The following DLG2 variants were observed in gnomAD, a reference collection of about 807,000 sequenced individuals.
DLG2 encodes discs large MAGUK scaffold protein 2.
A neutral mutation model predicts 132.5 loss-of-function variants in DLG2; 45 were observed. The ratio of observed to expected loss-of-function variants is 0.34; its 90% CI spans 0.27 to 0.44. The LOEUF (loss-of-function observed/expected upper bound fraction) is 0.44, where lower values mean the gene tolerates loss of function less well. Among genes scored for constraint, DLG2 ranks in the 20% least tolerant of loss-of-function variants. DLG2 has a pLI of 1.00. For synonymous variants in DLG2, 424 were observed against 419.6 expected (o/e 1.01, Z -0.13); for missense variants, 1,045 against 1,196.9 (o/e 0.87, Z 1.87).
At chr11:85,176,061 G>T (rs1249770892) in intron 4 of DLG2, among the ~76,000 whole-genome samples, 1 of 152,180 alleles carries the variant, frequency 6.6e-6, no homozygotes, top group African/African-American at 2.4e-5. Context: ...TAGATTCAAT[G>T]CTATTCCCAT....
In DLG2 at chr11:84,637,315, C is replaced by T. The variant is rs117797347; in HGVS notation, c.358-102584G>A. Among the ~76,000 whole-genome samples, 71 of 152,240 alleles carry T rather than the reference C, an allele frequency of 4.7e-4. 3 individuals carry two copies. The East Asian group carries it at 0.013, about 28-fold the overall frequency. ...GCTGTGATCACTCTTTTCTGTGAAC[C>T]CACCACACGATGTGTATCTCTATCA... On this transcript the variant is annotated intron_variant, in intron 6 of 27. Transcript: ENST00000376104.
At chr11:84,017,470 T>A (rs1473737152) in intron 11 of DLG2, among the ~76,000 whole-genome samples, 8 of 152,048 alleles carry the variant, frequency 5.3e-5, no homozygotes, top group Non-Finnish European at 1.2e-4. Flanking sequence ...ATCAAATATT[T>A]GAAAAATATC....
intron 17 of DLG2, among the ~76,000 whole-genome samples, chr11:83,827,617 C>A (rs1472304456): frequency 6.6e-6 from 1 of 152,120 alleles, no homozygotes; most frequent in African/African-American, 2.4e-5. Flanking sequence ...TTGGAGTTAG[C>A]AAGTCAGCTG....
chr11:84,474,096 ATTTG>A (rs1251358760), intron 7 of DLG2, among the ~76,000 whole-genome samples: 1 of 151,794 alleles, frequency 6.6e-6, no homozygotes, highest in African/African-American at 2.4e-5. Context: ...TTTCATACTT[ATTTG>A]TTTCTCTCAA....
intron 3 of DLG2, among the ~76,000 whole-genome samples, chr11:85,344,935 C>A (rs2082728392): frequency 1.3e-5 from 2 of 149,744 alleles, no homozygotes; most frequent in Non-Finnish European, 3.0e-5. Context: ...CAAGACAGAG[C>A]AATAAAGTTC....
intron 3 of DLG2, among the ~76,000 whole-genome samples, chr11:85,568,612 C>T (rs951923762): frequency 9.9e-5 from 15 of 152,070 alleles, no homozygotes; most frequent in African/African-American, 3.6e-4. Context: ...ATCACTCTAT[C>T]CAAATATTTC....
intron 3 of DLG2, among the ~76,000 whole-genome samples, chr11:85,394,624 A>C (rs563360224): frequency 6.6e-6 from 1 of 152,352 alleles, no homozygotes; most frequent in African/African-American, 2.4e-5. Flanking sequence ...TTCAGTAAGT[A>C]TTTTATTAAC....
At chr11:83,649,937 T>A (rs2069576433) in intron 18 of DLG2, among the ~76,000 whole-genome samples, 1 of 152,224 alleles carries the variant, frequency 6.6e-6, no homozygotes, top group African/African-American at 2.4e-5. Context: ...TTAGTCAGAA[T>A]AGAAAGAGAA....
intron 3 of DLG2, among the ~76,000 whole-genome samples, chr11:85,379,503 T>C (rs2085701743): frequency 6.6e-6 from 1 of 152,216 alleles, no homozygotes; most frequent in Admixed American, 6.5e-5. Context: ...AGTTGCTACA[T>C]TGAATATATT....
chr11:85,104,866 G>C (rs1379395011), intron 6 of DLG2, among the ~76,000 whole-genome samples: 1 of 100,692 alleles, frequency 9.9e-6, no homozygotes, highest in Non-Finnish European at 1.9e-5. Context: ...ATCTTTGGCT[G>C]AATGGCAAAA....
At chr11:85,492,379 T>A (rs966425029) in intron 3 of DLG2, among the ~76,000 whole-genome samples, 2 of 152,150 alleles carry the variant, frequency 1.3e-5, no homozygotes, top group African/African-American at 4.8e-5. Flanking sequence ...ATTTTATATA[T>A]AACTACAAAA....
At chr11:83,718,532 GAAAAAAAA>G (rs57237354) in intron 18 of DLG2, among the ~76,000 whole-genome samples, 25 of 106,284 alleles carry the variant, frequency 2.4e-4, no homozygotes, top group Non-Finnish European at 3.4e-4. Flanking sequence ...CTCAAAAAAA[GAAAAAAAA>G]AAAAAAAAAA....
At chr11:85,511,888 C>G (rs975060861) in intron 3 of DLG2, among the ~76,000 whole-genome samples, 2 of 151,880 alleles carry the variant, frequency 1.3e-5, no homozygotes, top group Admixed American at 6.6e-5. Flanking sequence ...CACGTGCCAC[C>G]AAGCCTGGCT....
intron 6 of DLG2, among the ~76,000 whole-genome samples, chr11:84,753,815 T>C (rs184896796): frequency 9.7e-4 from 147 of 152,280 alleles, no homozygotes; most frequent in African/African-American, 3.4e-3. Flanking sequence ...AAAAGTCAAA[T>C]AGATTGAGAA....
chr11:85,181,267 T>C lies in DLG2; in HGVS notation c.187-26616A>G, dbSNP rs140581890. 3.5e-3 allele frequency among the ~76,000 whole-genome samples: 527 copies of C among 151,780 alleles called. 22 individuals carry two copies. In the East Asian group the frequency reaches 0.088, roughly 25 times the overall value. ...ATATGTGTATATATGTGTATATATATGTGTGTATATACATAGAGGGAGAAT... is the reference window on the plus strand; with the variant it reads ...ATATGTGTATATATGTGTATATATACGTGTGTATATACATAGAGGGAGAAT... On this transcript the variant is annotated intron_variant, in intron 4 of 27. Transcript: ENST00000376104.
chr11:84,362,384 CT>C (rs1352671094), intron 7 of DLG2, among the ~76,000 whole-genome samples: 1 of 151,898 alleles, frequency 6.6e-6, no homozygotes, highest in African/African-American at 2.4e-5. Flanking sequence ...ATAACAGCTG[CT>C]TTTTTAAAAA....
intron 6 of DLG2, among the ~76,000 whole-genome samples, chr11:84,836,632 T>C (rs950824082): frequency 6.6e-6 from 1 of 151,798 alleles, no homozygotes. Context: ...GAAGACAGCT[T>C]TTGCCCTCAA....
chr11:84,439,962 C>T (rs2099012641), intron 7 of DLG2, among the ~76,000 whole-genome samples: 1 of 152,156 alleles, frequency 6.6e-6, no homozygotes, highest in African/African-American at 2.4e-5. Flanking sequence ...ATGGGACTGA[C>T]ATTATAATTT....
intron 3 of DLG2, among the ~76,000 whole-genome samples, chr11:85,296,584 C>T (rs2079233898): frequency 6.6e-6 from 1 of 150,722 alleles, no homozygotes; most frequent in South Asian, 2.1e-4. Context: ...GCTTAGTCCC[C>T]TCTTATGTAT....
Sources: allele counts gnomAD v4.1 joint callset (sites outside exome capture counted in the v4.1 genomes callset), GRCh38; gene constraint gnomAD v4.1.1; transcripts MANE v1.5; gene names NCBI Gene and HGNC (gene_info 2026-07-23, HGNC 2026-07-21).